The following PRKG1 variants were observed in gnomAD, a reference collection of about 807,000 sequenced individuals.
PRKG1 encodes the protein cGMP-dependent protein kinase 1.
A neutral mutation model predicts 88.1 loss-of-function variants in PRKG1; 35 were observed. That is an observed-to-expected ratio of 0.40 (90% confidence interval 0.30 to 0.53). PRKG1 has a LOEUF of 0.53. Among genes scored for constraint, PRKG1 ranks in the 20% least tolerant of loss-of-function variants. The pLI is 0.59. For missense variants in PRKG1, 540 were observed against 839.8 expected, an observed-to-expected ratio of 0.64 and a Z score of 4.41; for synonymous variants, 303 against 292.5, an observed-to-expected ratio of 1.04 and a Z score of -0.37.
At chr10:52,274,022 C>CT (rs1236263443) in intron 12 of PRKG1, among the ~76,000 whole-genome samples, 2 of 151,916 alleles carry the variant, frequency 1.3e-5, no homozygotes, top group East Asian at 3.9e-4. Flanking sequence ...AAGTCTTCTA[C>CT]TTTTTTTTCT....
intron 3 of PRKG1, among the ~76,000 whole-genome samples, chr10:51,547,832 A>G (rs763789452): frequency 2.0e-5 from 3 of 152,098 alleles, no homozygotes; most frequent in Non-Finnish European, 4.4e-5. Context: ...CGTGCAATTA[A>G]TGTTACCTTT....
intron 3 of PRKG1, among the ~76,000 whole-genome samples, chr10:51,778,018 A>T (rs1179006912): frequency 6.6e-6 from 1 of 152,104 alleles, no homozygotes; most frequent in African/African-American, 2.4e-5. Context: ...CTCCTGAAAG[A>T]CATTTTGATT....
At chr10:51,435,187 GGCA>G (rs1347225058) in intron 2 of PRKG1, among the ~76,000 whole-genome samples, 1 of 152,026 alleles carries the variant, frequency 6.6e-6, no homozygotes, top group Non-Finnish European at 1.5e-5. Flanking sequence ...CACAGTGGTT[GGCA>G]GCTCTGGCAT....
At chr10:51,065,035 A>G (rs1843732959) in intron 1 of PRKG1, among the ~76,000 whole-genome samples, 1 of 152,148 alleles carries the variant, frequency 6.6e-6, no homozygotes, top group Admixed American at 6.6e-5. Context: ...CAGGTAGGAC[A>G]CAAGCATTGG....
chr10:52,043,236 T>C (rs1242550770), intron 5 of PRKG1, among the ~76,000 whole-genome samples: 1 of 152,112 alleles, frequency 6.6e-6, no homozygotes, highest in Admixed American at 6.6e-5. Flanking sequence ...CCAAAGGAAA[T>C]GAAACCATGT....
chr10:51,538,860 T>G (rs1842230568), intron 3 of PRKG1, among the ~76,000 whole-genome samples: 1 of 152,118 alleles, frequency 6.6e-6, no homozygotes, highest in South Asian at 2.1e-4. Flanking sequence ...TAGAAATGTC[T>G]GCACATATCA....
At chr10:51,217,930 C>T (rs933507074) in intron 2 of PRKG1, among the ~76,000 whole-genome samples, 1 of 152,080 alleles carries the variant, frequency 6.6e-6, no homozygotes, top group African/African-American at 2.4e-5. Flanking sequence ...TCTTTCAGTT[C>T]CCTCCTTCAT....
intron 1 of PRKG1, among the ~76,000 whole-genome samples, chr10:51,037,782 CAA>C (rs55765146): frequency 2.1e-5 from 3 of 139,984 alleles, no homozygotes; most frequent in Admixed American, 1.4e-4. Context: ...GACTCGATCT[CAA>C]AAAAAAAAAA....
At position 51,846,664 on chromosome 10, in the gene PRKG1, G is replaced by A. The variant is rs1478942841; in HGVS notation, c.698+41974G>A. Among the ~76,000 whole-genome samples, 3 of 152,152 alleles carry A rather than the reference G, an allele frequency of 2.0e-5. No individual in the cohort carries two copies. The East Asian group carries it at 5.8e-4, about 29-fold the overall frequency. Reference sequence around the variant, plus strand: ...TAGCTTGTTCTGAATACCTATGAATGTTAGAAAATGTCAATGCCGGTGCCC... The same window carrying A: ...TAGCTTGTTCTGAATACCTATGAATATTAGAAAATGTCAATGCCGGTGCCC... On this transcript the variant is annotated intron_variant, in intron 4 of 17. Coordinates refer to ENST00000373980, the MANE Select transcript of PRKG1 (RefSeq NM_006258.4).
chr10:51,170,686 A>G (rs1339646136), intron 2 of PRKG1, among the ~76,000 whole-genome samples: 1 of 140,804 alleles, frequency 7.1e-6, no homozygotes, highest in Non-Finnish European at 1.5e-5. Flanking sequence ...CAAAGCTCTG[A>G]GTCAGGATTA....
intron 3 of PRKG1, among the ~76,000 whole-genome samples, chr10:51,640,819 G>C (rs1384521784): frequency 6.6e-6 from 1 of 150,478 alleles, no homozygotes; most frequent in Non-Finnish European, 1.5e-5. Context: ...GTAAGCAATA[G>C]ATGTATATGT....
chr10:51,737,939 TG>T (rs1259085797), intron 3 of PRKG1, among the ~76,000 whole-genome samples: 1 of 150,966 alleles, frequency 6.6e-6, no homozygotes, highest in Non-Finnish European at 1.5e-5. Context: ...AATTTTTTTT[TG>T]TTTGTTTGTT....
chr10:52,215,000 A>G (rs1368017152), intron 9 of PRKG1, among the ~76,000 whole-genome samples: 1 of 150,820 alleles, frequency 6.6e-6, no homozygotes, highest in African/African-American at 2.4e-5. Flanking sequence ...AATAATTCAC[A>G]TGATTTTTTA....
intron 2 of PRKG1, among the ~76,000 whole-genome samples, chr10:51,373,301 A>C (rs189374789): frequency 6.0e-4 from 91 of 152,354 alleles, no homozygotes; most frequent in African/African-American, 2.1e-3. Context: ...GGAAATCAAG[A>C]ATCTGAGCCC....
At chr10:51,398,563 C>G (rs2132662310) in intron 2 of PRKG1, among the ~76,000 whole-genome samples, 1 of 152,286 alleles carries the variant, frequency 6.6e-6, no homozygotes, top group African/African-American at 2.4e-5. Flanking sequence ...AAGCTTCAGG[C>G]TTTGAGAGCT....
Position 51,452,072 on chromosome 10 carries a change from C to T in PRKG1, c.479-15651C>T, listed in dbSNP as rs527670581. Among the ~76,000 whole-genome samples the T allele has an allele frequency of 6.5e-4, 99 of 151,890 alleles. 3 individuals carry two copies. The highest frequency in any genetic ancestry group is 1.7e-3 in the South Asian group (8 of 4,820). ...CTTTATTGAGATATAATTCACATGCCATACAATTTACCCATTTAAGGTGTT... is the reference window on the plus strand; with the variant it reads ...CTTTATTGAGATATAATTCACATGCTATACAATTTACCCATTTAAGGTGTT... On this transcript the variant is annotated intron_variant, in intron 2 of 17. Transcript: ENST00000373980.
chr10:51,124,685 A>C (rs923679343), intron 1 of PRKG1, among the ~76,000 whole-genome samples: 3 of 152,208 alleles, frequency 2.0e-5, no homozygotes, highest in African/African-American at 7.2e-5. Flanking sequence ...GTATTACTTC[A>C]CCATGTAAAA....
intron 9 of PRKG1, among the ~76,000 whole-genome samples, chr10:52,205,579 T>C (rs1209515549): frequency 6.6e-6 from 1 of 152,192 alleles, no homozygotes; most frequent in Non-Finnish European, 1.5e-5. Context: ...TAGCATTTCC[T>C]TAAGAACCTC....
chr10:51,551,094 T>C (rs1837118269), intron 3 of PRKG1, among the ~76,000 whole-genome samples: 2 of 151,862 alleles, frequency 1.3e-5, no homozygotes, highest in African/African-American at 2.4e-5. Context: ...TTTAAATATG[T>C]TCTGTGTGCA....
Sources: gnomAD v4.1 joint callset for allele counts (sites outside exome capture counted in the v4.1 genomes callset) on GRCh38, gnomAD v4.1.1 for gene constraint, MANE v1.5 for transcripts, NCBI Gene and HGNC (gene_info 2026-07-23, HGNC 2026-07-21) for gene names.